STK32C: variants seen among roughly 807,000 people sequenced by gnomAD.
The protein encoded by STK32C is serine/threonine kinase 32C, also known as serine/threonine-protein kinase 32C.
STK32C carries 31 observed loss-of-function variants against 56.5 expected under a neutral mutation model. The observed-to-expected ratio is 0.55, with a 90% CI of 0.41 to 0.74. STK32C has a LOEUF of 0.74. STK32C is among the 30% of genes least tolerant of loss of function. STK32C has a pLI of 0.00. For synonymous variants in STK32C, 309 were observed against 289.4 expected (o/e 1.07, Z -0.69); for missense variants, 544 against 676.9 (o/e 0.80, Z 2.18).
Position 132,267,507 on chromosome 10 carries a change from TCGTG to T in STK32C, c.263-21556_263-21553del, listed in dbSNP as rs2064589211. On this transcript the variant is annotated intron_variant, in intron 1 of 11. Coordinates refer to ENST00000298630, the MANE Select transcript of STK32C (RefSeq NM_173575.4). ...TGTCTGTGTGCATGCATGTCCCACA[TCGTG>T]TGTGTGTCAGTGTGTGTGCATGCAT... Among the ~76,000 whole-genome samples, 3 of 141,104 alleles carry T rather than the reference TCGTG, an allele frequency of 2.1e-5. No homozygotes were observed. In the South Asian group the frequency reaches 6.4e-4, roughly 30 times the overall value. 92.6% of individuals were successfully genotyped at this position (141,104 alleles called of 152,430 possible). A position where few individuals can be genotyped will look rare whatever the true frequency, so the allele number is the denominator to read the frequency against.
At position 132,325,558 on chromosome 10, in the gene STK32C, A is replaced by C. The variant is rs1294915118; in HGVS notation, c.302-1185T>G. On this transcript the variant is annotated intron_variant, in intron 1 of 1. Transcript: ENST00000368619. The stretch of plus-strand genomic sequence containing the variant: ...ACAGAGCAAGAGTCCGTCTTAAAAA[A>C]AAAAAAGGGGGAGTTCCCTGCACAA... 6.6e-5 allele frequency among the ~76,000 whole-genome samples: 10 copies of C among 151,280 alleles called. No homozygotes were observed. The East Asian group carries it at 2.0e-3, about 30-fold the overall frequency.
At chr10:132,303,852 TCCC>T (rs2065979544) in intron 1 of STK32C, among the ~76,000 whole-genome samples, 3 of 152,194 alleles carry the variant, frequency 2.0e-5, no homozygotes, top group African/African-American at 7.2e-5. Flanking sequence ...GGTTTTCCCT[TCCC>T]GCCAGCTCCG....
upstream of STK32C, chr10:132,331,922 CCA>C: frequency 2.9e-6 from 2 of 694,240 alleles, no homozygotes; most frequent in Non-Finnish European, 4.4e-6. Context: ...CACAACCCCC[CCA>C]CCGCAAGCGC....
At chr10:132,265,200 T>C (rs1160372109) in intron 1 of STK32C, among the ~76,000 whole-genome samples, 36 of 129,370 alleles carry the variant, frequency 2.8e-4, no homozygotes, top group African/African-American at 1.1e-3. Flanking sequence ...GCAAGGGCAG[T>C]GAGGTGGGCT....
At position 132,211,444 on chromosome 10, in the gene STK32C, G is replaced by A. The variant is rs141476580; in HGVS notation, c.1252-2343C>T. On this transcript the variant is annotated intron_variant, in intron 10 of 11. Transcript: ENST00000298630. ...GTCCACAGCCATGTTTTCCTAGGCA[G>A]AGAGGCCACCAGAAGCCTGAGGAGC... 5.1e-3 allele frequency among the ~76,000 whole-genome samples: 782 copies of A among 152,362 alleles called. 2 individuals carry two copies. The highest frequency in any genetic ancestry group is 7.8e-3 in the Non-Finnish European group (532 of 68,040).
In STK32C at chr10:132,245,888, G is replaced by A. The variant is rs201145018; in HGVS notation, c.318+12C>T. 2 of 1,611,924 alleles carry A rather than the reference G, an allele frequency of 1.2e-6. No homozygotes were observed. Among genetic ancestry groups the A allele is most frequent in the Non-Finnish European group, 1.7e-6 (2 of 1,179,860 alleles). On this transcript the variant is annotated intron_variant, in intron 2 of 11. Coordinates refer to ENST00000298630, the MANE Select transcript of STK32C (RefSeq NM_173575.4). ...CCCCTCAGCCCAGTCCCCACCCCAG[G>A]CCCTGCCTTACCTTGCCAAAGCTGC...
chr10:132,295,544 T>A (rs1344362862), intron 1 of STK32C, among the ~76,000 whole-genome samples: 1 of 152,194 alleles, frequency 6.6e-6, no homozygotes, highest in African/African-American at 2.4e-5. Context: ...TACAGTGATA[T>A]CAATGACGGG....
chr10:132,277,586 G>A (rs1240795324), intron 1 of STK32C, among the ~76,000 whole-genome samples: 3 of 152,180 alleles, frequency 2.0e-5, no homozygotes, highest in African/African-American at 4.8e-5. Context: ...GCAGGGAATC[G>A]GCAAGGAGTC....
In STK32C at chr10:132,208,410, T is replaced by C. The variant is rs565557105; in HGVS notation, c.1320-259A>G. Among the ~76,000 whole-genome samples, 429 of 152,282 alleles carry C rather than the reference T, an allele frequency of 2.8e-3. 3 individuals carry two copies. The highest frequency in any genetic ancestry group is 9.9e-3 in the African/African-American group (413 of 41,560). On this transcript the variant is annotated intron_variant, in intron 11 of 11. Transcript: ENST00000298630. Reference sequence around the variant, plus strand: ...GAAAGGCCTGACTGTGCAGGTGCCATAGGTCAGTGACTTGGGAATGAGGCT... The same window carrying C: ...GAAAGGCCTGACTGTGCAGGTGCCACAGGTCAGTGACTTGGGAATGAGGCT...
At chr10:132,281,618 ATCT>A (rs2065208538) in intron 1 of STK32C, among the ~76,000 whole-genome samples, 1 of 152,144 alleles carries the variant, frequency 6.6e-6, no homozygotes, top group Admixed American at 6.6e-5. Flanking sequence ...GTCTTTGAAA[ATCT>A]TCTATCAGAA....
intron 1 of STK32C, among the ~76,000 whole-genome samples, chr10:132,283,593 G>C (rs1197581436): frequency 6.6e-6 from 1 of 152,214 alleles, no homozygotes; most frequent in East Asian, 1.9e-4. Flanking sequence ...GGGGTGGTTT[G>C]TGACCTGCAA....
chr10:132,288,365 A>G (rs2065472825), intron 1 of STK32C, among the ~76,000 whole-genome samples: 1 of 152,268 alleles, frequency 6.6e-6, no homozygotes, highest in African/African-American at 2.4e-5. Context: ...AACTTCATCA[A>G]CATTTAAAAC....
At chr10:132,279,742 G>A (rs75194884) in intron 1 of STK32C, among the ~76,000 whole-genome samples, 262 of 71,500 alleles carry the variant, frequency 3.7e-3, no homozygotes, top group Non-Finnish European at 6.7e-3. Flanking sequence ...ACTGCACTCC[G>A]TGATCACACC....
chr10:132,260,609 C>T (rs1042744062), intron 1 of STK32C, among the ~76,000 whole-genome samples: 2 of 152,220 alleles, frequency 1.3e-5, no homozygotes, highest in Non-Finnish European at 2.9e-5. Flanking sequence ...TGCTCTGCTT[C>T]CTCGGCCCAC....
intron 7 of STK32C, among the ~76,000 whole-genome samples, chr10:132,224,876 C>G (rs761413346): frequency 1.4e-4 from 21 of 152,166 alleles, no homozygotes; most frequent in Non-Finnish European, 1.9e-4. Context: ...TCCCGGTCTC[C>G]AGGACTGGCC....
intron 1 of STK32C, among the ~76,000 whole-genome samples, chr10:132,327,290 T>C (rs1333366819): frequency 7.9e-5 from 12 of 152,188 alleles, no homozygotes; most frequent in Admixed American, 5.9e-4. Context: ...AAGATGTGAC[T>C]TGCTCCTCCT....
intron 1 of STK32C, among the ~76,000 whole-genome samples, chr10:132,246,688 A>G (rs770774069): frequency 1.1e-4 from 17 of 152,118 alleles, no homozygotes; most frequent in Admixed American, 7.2e-4. Context: ...CCCTATTCAC[A>G]CCAAGGAAAG....
intron 2 of STK32C, among the ~76,000 whole-genome samples, chr10:132,233,137 A>G (rs1590203184): frequency 6.6e-6 from 1 of 152,292 alleles, no homozygotes; most frequent in East Asian, 1.9e-4. Flanking sequence ...CCCAGGGTTC[A>G]GTGCTGGGTA....
chr10:132,245,711 G>A (rs1248640165), intron 2 of STK32C, among the ~76,000 whole-genome samples, 189 bp downstream of exon 2: 1 of 152,248 alleles, frequency 6.6e-6, no homozygotes, highest in African/African-American at 2.4e-5. Flanking sequence ...CCAGTCTGAT[G>A]GCGGCACAGC....
Sources: gnomAD v4.1 joint callset for allele counts (sites outside exome capture counted in the v4.1 genomes callset) on GRCh38, gnomAD v4.1.1 for gene constraint, MANE v1.5 for transcripts, NCBI Gene and HGNC (gene_info 2026-07-23, HGNC 2026-07-21) for gene names.